Variants in ULK4 observed in about 807,000 individuals in gnomAD.
ULK4 encodes the protein unc-51 like kinase 4.
ULK4 carries 133 observed loss-of-function variants against 160.6 expected under a neutral mutation model. The observed-to-expected ratio is 0.83, with a 90% CI of 0.72 to 0.96. The LOEUF (loss-of-function observed/expected upper bound fraction) is 0.96, where lower values mean the gene tolerates loss of function less well. Ranked by LOEUF, ULK4 falls within the 40% of genes least tolerant of loss-of-function variation. The probability of loss-of-function intolerance (pLI) is 0.00; values close to 1 mark genes in which losing one functional copy is unlikely to be tolerated. For synonymous variants in ULK4, 534 were observed against 539.8 expected (o/e 0.99, Z 0.15); for missense variants, 1,580 against 1,499.5 (o/e 1.05, Z -0.89).
chr3:41,801,888 C>T (rs1447579681), intron 19 of ULK4, among the ~76,000 whole-genome samples: 1 of 151,318 alleles, frequency 6.6e-6, no homozygotes, highest in African/African-American at 2.4e-5. Flanking sequence ...GAAAAGAAAA[C>T]TTTACAAGCA....
At position 41,631,197 on chromosome 3, in the gene ULK4, G is replaced by A. The variant is rs935014808; in HGVS notation, c.3072-15480C>T. Among the ~76,000 whole-genome samples the A allele has an allele frequency of 3.3e-5, 5 of 152,104 alleles. No individual in the cohort carries two copies. The South Asian group carries it at 1.0e-3, about 32-fold the overall frequency. ...GAACTGGCAGAAGTCTTACCATTAA[G>A]GTACATATATAGGGAGTTATTTTTC... On this transcript the variant is annotated intron_variant, in intron 30 of 36. Transcript: ENST00000301831.
At chr3:41,397,070 C>A (rs2082077481) in intron 35 of ULK4, among the ~76,000 whole-genome samples, 1 of 152,046 alleles carries the variant, frequency 6.6e-6, no homozygotes, top group Admixed American at 6.6e-5. Context: ...CCAAAGGATA[C>A]CTCAAGGTAT....
intron 32 of ULK4, among the ~76,000 whole-genome samples, chr3:41,482,298 A>C (rs1297473430): frequency 2.0e-5 from 3 of 152,196 alleles, no homozygotes; most frequent in African/African-American, 7.2e-5. Flanking sequence ...GGGTCTAGGA[A>C]GGAGAAAATG....
At chr3:41,625,843 A>G (rs2033481080) in intron 30 of ULK4, among the ~76,000 whole-genome samples, 1 of 152,216 alleles carries the variant, frequency 6.6e-6, no homozygotes, top group Non-Finnish European at 1.5e-5. Flanking sequence ...AAACCAAACA[A>G]AATGAAGACC....
intron 29 of ULK4, among the ~76,000 whole-genome samples, chr3:41,679,480 G>T (rs76902534): frequency 0.021 from 3,243 of 152,204 alleles, 102 homozygotes; most frequent in African/African-American, 0.068. Context: ...ATTATCTGAA[G>T]TGCATTTCAA....
At chr3:41,456,413 T>C (rs1393769578) in intron 33 of ULK4, among the ~76,000 whole-genome samples, 1 of 152,176 alleles carries the variant, frequency 6.6e-6, no homozygotes, top group Non-Finnish European at 1.5e-5. Flanking sequence ...CTGCTATGCT[T>C]TCCTTCTCTA....
rs183050802 is a variant in ULK4, at chr3:41,620,600, T to C, written c.3072-4883A>G. On this transcript the variant is annotated intron_variant, in intron 30 of 36. Transcript: ENST00000301831. ...CTAAAAACTCTCAATAAACTAGGTA[T>C]TGATGGAACATATGTCAAAATAATA... 5.9e-5 allele frequency among the ~76,000 whole-genome samples: 9 copies of C among 152,314 alleles called. 1 individual carries two copies. The highest frequency in any genetic ancestry group is 3.3e-4 in the Admixed American group (5 of 15,302).
chr3:41,873,514 C>T (rs1400147142), intron 17 of ULK4, among the ~76,000 whole-genome samples: 1 of 151,996 alleles, frequency 6.6e-6, no homozygotes, highest in Non-Finnish European at 1.5e-5. Context: ...CTTTTTGTTA[C>T]ATTTTACCCT....
At chr3:41,568,519 C>G (rs2087862308) in intron 31 of ULK4, among the ~76,000 whole-genome samples, 1 of 152,160 alleles carries the variant, frequency 6.6e-6, no homozygotes, top group South Asian at 2.1e-4. Flanking sequence ...CTTGTCTACC[C>G]ATTTTATTCC....
intron 35 of ULK4, among the ~76,000 whole-genome samples, chr3:41,267,027 G>T (rs534943792): frequency 7.1e-6 from 1 of 140,860 alleles, no homozygotes; most frequent in African/African-American, 2.6e-5. Flanking sequence ...TTGGGGGGGG[G>T]GGGTTTAAGG....
chr3:41,815,067 C>T (rs745386344), intron 19 of ULK4, among the ~76,000 whole-genome samples: 10 of 152,058 alleles, frequency 6.6e-5, no homozygotes, highest in Non-Finnish European at 1.5e-4. Flanking sequence ...CACCACCACG[C>T]CCGACTAATT....
intron 31 of ULK4, among the ~76,000 whole-genome samples, chr3:41,595,556 C>T (rs1021770154): frequency 6.6e-6 from 1 of 152,150 alleles, no homozygotes; most frequent in Admixed American, 6.5e-5. Context: ...GTCCTCTGAA[C>T]CTTCGTGGTC....
At chr3:41,338,627 T>TG (rs930814853) in intron 35 of ULK4, among the ~76,000 whole-genome samples, 35 of 152,246 alleles carry the variant, frequency 2.3e-4, no homozygotes, top group African/African-American at 8.2e-4. Flanking sequence ...AGTCCCTAGT[T>TG]GGAGTCCAGG....
intron 27 of ULK4, among the ~76,000 whole-genome samples, chr3:41,694,921 T>C (rs1409838548): frequency 6.6e-6 from 1 of 152,212 alleles, no homozygotes; most frequent in Non-Finnish European, 1.5e-5. Context: ...TTCATACGCA[T>C]ATGTGTTAGT....
intron 30 of ULK4, among the ~76,000 whole-genome samples, chr3:41,631,991 C>G (rs1343632218): frequency 6.6e-6 from 1 of 152,208 alleles, no homozygotes; most frequent in East Asian, 1.9e-4. Flanking sequence ...AGCCTTCACT[C>G]TCTCTCTGAA....
intron 32 of ULK4, among the ~76,000 whole-genome samples, chr3:41,543,330 G>T (rs1391866073): frequency 1.3e-5 from 2 of 152,156 alleles, no homozygotes; most frequent in East Asian, 3.9e-4. Context: ...TGTACCCAAG[G>T]AGCCTCATGT....
At chr3:41,306,534 C>T (rs2079941028) in intron 35 of ULK4, among the ~76,000 whole-genome samples, 1 of 150,436 alleles carries the variant, frequency 6.6e-6, no homozygotes, top group African/African-American at 2.5e-5. Flanking sequence ...GGGGGGTCAG[C>T]CCCCTGCCCG....
chr3:41,392,511 C>G (rs1195755430), intron 35 of ULK4, among the ~76,000 whole-genome samples: 1 of 152,246 alleles, frequency 6.6e-6, no homozygotes, highest in East Asian at 1.9e-4. Flanking sequence ...AGATGATTCT[C>G]TAACAACCAT....
intron 32 of ULK4, among the ~76,000 whole-genome samples, chr3:41,531,761 G>A (rs76116159): frequency 0.037 from 5,598 of 152,204 alleles, 230 homozygotes; most frequent in African/African-American, 0.1. Flanking sequence ...AGAAATTACA[G>A]AGAAGAAATT....
Sources: gnomAD v4.1 joint callset for allele counts (sites outside exome capture counted in the v4.1 genomes callset) on GRCh38, gnomAD v4.1.1 for gene constraint, MANE v1.5 for transcripts, NCBI Gene and HGNC (gene_info 2026-07-23, HGNC 2026-07-21) for gene names.